FRMPD1: variants seen among roughly 807,000 people sequenced by gnomAD.
The protein encoded by FRMPD1 is FERM and PDZ domain-containing protein 1.
A neutral mutation model predicts 117.8 loss-of-function variants in FRMPD1; 76 were observed. The ratio of observed to expected loss-of-function variants is 0.65; its 90% CI spans 0.54 to 0.78. The LOEUF is 0.78. Among genes scored for constraint, FRMPD1 ranks in the 30% least tolerant of loss-of-function variants. The probability of loss-of-function intolerance (pLI) is 0.00; values close to 1 mark genes in which losing one functional copy is unlikely to be tolerated. For missense variants in FRMPD1, 1,786 were observed against 1,964.5 expected (o/e 0.91, Z 1.72); for synonymous variants, 783 against 770.4 (o/e 1.02, Z -0.27).
chr9:37,715,262 C>G (rs10973507), intron 5 of FRMPD1, among the ~76,000 whole-genome samples: 1 of 152,154 alleles, frequency 6.6e-6, no homozygotes, highest in Non-Finnish European at 1.5e-5. Context: ...GAGGAAGATA[C>G]ACTCATTATT....
chr9:37,667,205 C>T (rs1482390174), intron 1 of FRMPD1, among the ~76,000 whole-genome samples: 2 of 151,586 alleles, frequency 1.3e-5, no homozygotes, highest in Non-Finnish European at 2.9e-5. Context: ...GCTGGGACCA[C>T]AGGTGCGCAC....
At chr9:37,697,625 C>A (rs1237076094) in intron 2 of FRMPD1, among the ~76,000 whole-genome samples, 2 of 151,904 alleles carry the variant, frequency 1.3e-5, no homozygotes, top group Non-Finnish European at 2.9e-5. Flanking sequence ...GTCTCTGTGA[C>A]ATGTTTTGAA....
At chr9:37,704,097 C>G (rs1822619587) in intron 2 of FRMPD1, among the ~76,000 whole-genome samples, 1 of 152,178 alleles carries the variant, frequency 6.6e-6, no homozygotes, top group Non-Finnish European at 1.5e-5. Flanking sequence ...AAAGGACTTT[C>G]TAGAATTTCT....
chr9:37,744,648 G>A lies in FRMPD1; in HGVS notation c.2616G>A (p.Glu872=). 1 of 1,613,854 alleles carries A rather than the reference G, an allele frequency of 6.2e-7. No homozygotes were observed. The highest frequency in any genetic ancestry group is 1.1e-5 in the South Asian group (1 of 91,058). ...ACGACGTGTGCTACTATGACAGGGA[G>A]CCCTACCTGGCCCTTGGTGCACCCT... The part of the protein sequence containing the change: ...SVDDVCYYDR[E]PYLALGAPSP... Residue 872 remains glutamate, a synonymous_variant, in exon 16 of 16, where the codon GAG becomes GAA. Transcript: ENST00000377765.
intron 1 of FRMPD1, chr9:37,661,937 C>A (rs542495310): frequency 1.3e-5 from 2 of 154,514 alleles, no homozygotes; most frequent in African/African-American, 2.4e-5. Context: ...GGGAGGGATG[C>A]ACATGGAGTG....
In FRMPD1 at chr9:37,692,510, G is replaced by A. The variant is rs141123526; in HGVS notation, c.-4-128G>A. The A allele has an allele frequency of 7.2e-4, 504 of 697,074 alleles. 3 individuals carry two copies. Among genetic ancestry groups the A allele is most frequent in the African/African-American group, 3.7e-3 (208 of 56,712 alleles). 43.2% of individuals were successfully genotyped at this position (697,074 alleles called of 1,614,324 possible). On this transcript the variant is annotated intron_variant, in intron 1 of 15. Transcript: ENST00000377765. ...CCTGTTTATGTTGATTTTAGACTAA[G>A]GGAGAACACTAGTTATTCGATTAGC...
the FRMPD1 span, among the ~76,000 whole-genome samples, chr9:37,635,471 A>T: frequency 6.6e-6 from 1 of 151,830 alleles, no homozygotes. Flanking sequence ...AGCTCACCCG[A>T]GGGCCAATGG....
the FRMPD1 span, among the ~76,000 whole-genome samples, chr9:37,635,382 A>C: frequency 1.3e-5 from 2 of 152,186 alleles, no homozygotes; most frequent in African/African-American, 4.8e-5. Flanking sequence ...TTAATTCCTC[A>C]TTAGACATTC....
rs1308264360 is a variant in FRMPD1, at chr9:37,737,153, G to C, written c.1459G>C (p.Gly487Arg). 6.2e-7 allele frequency: 1 copy of C among 1,611,426 alleles called. No homozygotes were observed. Among genetic ancestry groups the C allele is most frequent in the East Asian group, 2.2e-5 (1 of 44,860 alleles). Reference sequence around the variant, plus strand: ...AAAAGACCTAGCCTGCCTGATTGCTGGGTACTACAGGCTGTTGGTTGACCC... The same window carrying C: ...AAAAGACCTAGCCTGCCTGATTGCTCGGTACTACAGGCTGTTGGTTGACCC... ...SAKDLACLIA[G>R]YYRLLVDPVT... The change falls in exon 14 of 16, where the codon GGG becomes CGG. Residue 487 changes from glycine (G) to arginine (R), a missense_variant. By Grantham distance (125) the Gly-to-Arg change is moderately radical. Transcript: ENST00000377765.
rs146922352 is a variant in FRMPD1 at position 37,664,566 on chromosome 9, C to T, written c.-5+13472C>T. 1.7e-3 allele frequency among the ~76,000 whole-genome samples: 263 copies of T among 152,038 alleles called. 1 individual carries two copies. The highest frequency in any genetic ancestry group is 6.2e-3 in the African/African-American group (256 of 41,430). On this transcript the variant is annotated intron_variant, in intron 1 of 15. Coordinates refer to ENST00000377765, the MANE Select transcript of FRMPD1 (RefSeq NM_014907.3). ...ACTCCCACTTATGAGTGAGAACATG[C>T]GGTGTTTGGTTTTCTGTTCCTGTGT...
chr9:37,616,558 A>G, the FRMPD1 span, among the ~76,000 whole-genome samples: 1 of 152,232 alleles, frequency 6.6e-6, no homozygotes, highest in Non-Finnish European at 1.5e-5. Context: ...CTGCTGTTGC[A>G]CCATGAAAAA....
chr9:37,669,507 C>T (rs948803833), intron 1 of FRMPD1, among the ~76,000 whole-genome samples: 1 of 152,196 alleles, frequency 6.6e-6, no homozygotes, highest in Admixed American at 6.5e-5. Context: ...TCATCCTCTC[C>T]ATGTGTTTGA....
the FRMPD1 span, among the ~76,000 whole-genome samples, chr9:37,641,431 AC>A: frequency 6.6e-6 from 1 of 152,150 alleles, no homozygotes; most frequent in East Asian, 1.9e-4. Context: ...TTCTCACAAC[AC>A]CCTTCAAGGT....
intron 6 of FRMPD1, among the ~76,000 whole-genome samples, 187 bp downstream of exon 6, chr9:37,719,363 T>C (rs1823294480): frequency 6.6e-6 from 1 of 152,184 alleles, no homozygotes; most frequent in Non-Finnish European, 1.5e-5. Context: ...TGGTGGGAGC[T>C]CTGGGCCATG....
intron 4 of FRMPD1, among the ~76,000 whole-genome samples, chr9:37,709,110 C>T (rs1822817828): frequency 6.6e-6 from 1 of 152,018 alleles, no homozygotes; most frequent in South Asian, 2.1e-4. Context: ...GAATTGGCAA[C>T]CCAGACTTTA....
Position 37,673,387 on chromosome 9 carries a change from C to G in FRMPD1, c.-4-19251C>G, listed in dbSNP as rs546411075. ...TTCCCGTGGTCTTGGGCAGCTCCGCCCCTGTGGCTTTGCAGGGTACAGCCT... is the reference window on the plus strand; with the variant it reads ...TTCCCGTGGTCTTGGGCAGCTCCGCGCCTGTGGCTTTGCAGGGTACAGCCT... On this transcript the variant is annotated intron_variant, in intron 1 of 15. Coordinates refer to ENST00000377765, the MANE Select transcript of FRMPD1 (RefSeq NM_014907.3). Among the ~76,000 whole-genome samples, 4 of 152,352 alleles carry G rather than the reference C, an allele frequency of 2.6e-5. No individual in the cohort carries two copies. In the East Asian group the frequency reaches 7.7e-4, roughly 29 times the overall value.
chr9:37,613,009 A>G, the FRMPD1 span, among the ~76,000 whole-genome samples: 2 of 152,230 alleles, frequency 1.3e-5, no homozygotes, highest in African/African-American at 4.8e-5. Flanking sequence ...GAGCAGTTCA[A>G]CTACCACCAA....
At chr9:37,708,623 A>G (rs1207948986) in intron 4 of FRMPD1, 122 bp downstream of exon 4, 1 of 621,876 alleles carries the variant, frequency 1.6e-6, no homozygotes, top group African/African-American at 1.8e-5. Flanking sequence ...TTAAAGCAGC[A>G]AAAACAGCCT....
At chr9:37,711,203 C>CAAA (rs1822896222) in intron 4 of FRMPD1, 147 bp from the exon 5 acceptor site, 1 of 633,344 alleles carries the variant, frequency 1.6e-6, no homozygotes. Flanking sequence ...TTTGCTGAGC[C>CAAA]AAAAAAGCTA....
Sources: gnomAD v4.1 joint callset for allele counts (sites outside exome capture counted in the v4.1 genomes callset) on GRCh38, gnomAD v4.1.1 for gene constraint, MANE v1.5 for transcripts, NCBI Gene and HGNC (gene_info 2026-07-23, HGNC 2026-07-21) for gene names.